Variants in EYS observed in about 807,000 individuals in gnomAD.
The protein encoded by EYS is protein eyes shut homolog.
A neutral mutation model predicts 282.1 loss-of-function variants in EYS; 250 were observed. The observed-to-expected ratio is 0.89, with a 90% CI of 0.80 to 0.98. The LOEUF (loss-of-function observed/expected upper bound fraction) is 0.98, where lower values mean the gene tolerates loss of function less well. EYS is among the 50% of genes least tolerant of loss of function. The pLI is 0.00. For synonymous variants in EYS, 1,355 were observed against 1,282.9 expected (o/e 1.06, Z -1.20); for missense variants, 4,016 against 3,709.0 (o/e 1.08, Z -2.15).
chr6:64,372,136 T>G (rs1232052618), intron 29 of EYS, among the ~76,000 whole-genome samples: 2 of 22,290 alleles, frequency 9.0e-5, no homozygotes, highest in African/African-American at 2.1e-4. Context: ...TTGTGTTTTT[T>G]TTTTTTTTTT....
intron 22 of EYS, among the ~76,000 whole-genome samples, chr6:64,643,942 C>T (rs1768262771): frequency 6.6e-6 from 1 of 152,128 alleles, no homozygotes; most frequent in African/African-American, 2.4e-5. Context: ...AGTGGACTAA[C>T]ACATTCTGTA....
intron 24 of EYS, among the ~76,000 whole-genome samples, chr6:64,598,710 T>C (rs1766665890): frequency 6.6e-6 from 1 of 152,196 alleles, no homozygotes; most frequent in Non-Finnish European, 1.5e-5. Context: ...CAGTAACTGT[T>C]GTAATTGTTG....
At position 63,720,900 on chromosome 6, in the gene EYS, C is replaced by A. The variant is rs772549804; in HGVS notation, c.9131G>T (p.Trp3044Leu). Reference sequence around the variant, plus strand: ...ATTTTGAATTACAACTACATGGTGCCATTTATTACAACAGAATGTGCCATT... The same window carrying A: ...ATTTTGAATTACAACTACATGGTGCAATTTATTACAACAGAATGTGCCATT... Reference protein sequence around the residue: ...YNNGTFCCNKWHHVVVIQNQT... With the variant: ...YNNGTFCCNKLHHVVVIQNQT... The change falls in exon 43 of 43, where the codon TGG becomes TTG. Residue 3044 changes from tryptophan (W) to leucine (L), a missense_variant. Physicochemically the swap from Trp to Leu is moderately conservative, Grantham distance 61. Transcript: ENST00000503581. 50 of 1,550,834 alleles carry A rather than the reference C, an allele frequency of 3.2e-5. No homozygotes were observed. The highest frequency in any genetic ancestry group is 4.3e-5 in the Non-Finnish European group (49 of 1,146,410).
intron 22 of EYS, among the ~76,000 whole-genome samples, chr6:64,654,380 G>C (rs992209190): frequency 7.2e-5 from 11 of 152,146 alleles, no homozygotes; most frequent in African/African-American, 2.7e-4. Context: ...ACATGCTACT[G>C]TTGTCTAGAG....
intron 19 of EYS, among the ~76,000 whole-genome samples, chr6:64,835,957 C>A (rs925618816): frequency 1.3e-5 from 2 of 151,592 alleles, no homozygotes; most frequent in Non-Finnish European, 3.0e-5. Context: ...ATCTCTACTT[C>A]TTTTGGGCTA....
At chr6:63,941,514 C>T (rs1489610487) in intron 35 of EYS, among the ~76,000 whole-genome samples, 1 of 152,080 alleles carries the variant, frequency 6.6e-6, no homozygotes, top group African/African-American at 2.4e-5. Context: ...ATCCTTCGTC[C>T]ACTTTTTGAT....
chr6:63,720,631 C>T lies in EYS; in HGVS notation c.9400G>A (p.Val3134Ile). 1 of 1,518,296 alleles carries T rather than the reference C, an allele frequency of 6.6e-7. No individual in the cohort carries two copies. Among genetic ancestry groups the T allele is most frequent in the South Asian group, 1.3e-5 (1 of 77,014 alleles). The allele number at this position is 1,518,296 out of a possible 1,614,324, so 94.1% of individuals were successfully genotyped here. ...IELIKLEGYN[V>I]YDGDEQNEVT ...TCATTTTGTTCATCTCCATCATAAA[C>T]ATTGTATCCTTCTAATTTAATTAGT... is the stretch of plus-strand genomic sequence containing the variant. Residue 3134 changes from valine (V) to isoleucine (I), a missense_variant, in exon 43 of 43, where the codon GTT becomes ATT. By Grantham distance (29) the Val-to-Ile change is conservative. Transcript: ENST00000503581.
rs182979225 is a variant in EYS, at chr6:64,030,492, C to T, written c.6726-31309G>A. Among the ~76,000 whole-genome samples, 6 of 152,344 alleles carry T rather than the reference C, an allele frequency of 3.9e-5. No homozygotes were observed. The South Asian group carries it at 6.2e-4, about 16-fold the overall frequency. ...AACTGCCGAGGACTAGACCTCCTCA[C>T]TGCTGAGAAAGAAGGACTCTGCACC... On this transcript the variant is annotated intron_variant, in intron 33 of 42. Coordinates refer to ENST00000503581, the MANE Select transcript of EYS (RefSeq NM_001142800.2).
chr6:64,965,525 T>C (rs1770064175), intron 14 of EYS, among the ~76,000 whole-genome samples: 1 of 152,068 alleles, frequency 6.6e-6, no homozygotes. Flanking sequence ...TTCAGACTTT[T>C]CATTCTTCAT....
chr6:65,469,208 A>G (rs575656865), intron 5 of EYS, among the ~76,000 whole-genome samples: 1 of 152,140 alleles, frequency 6.6e-6, no homozygotes, highest in Middle Eastern at 3.6e-3. Context: ...AATTCTAGCG[A>G]CCTTATATAA....
intron 26 of EYS, among the ~76,000 whole-genome samples, chr6:64,471,279 G>T (rs1001828652): frequency 6.6e-6 from 1 of 152,230 alleles, no homozygotes; most frequent in African/African-American, 2.4e-5. Flanking sequence ...AAGCCATCAA[G>T]ATTAGAAAAG....
intron 26 of EYS, among the ~76,000 whole-genome samples, chr6:64,564,914 A>G (rs771281156): frequency 6.6e-6 from 1 of 152,144 alleles, no homozygotes; most frequent in East Asian, 1.9e-4. Flanking sequence ...GTTTTGATGT[A>G]TACTACCTGA....
intron 5 of EYS, among the ~76,000 whole-genome samples, chr6:65,442,809 T>A (rs1768394142): frequency 7.8e-6 from 1 of 127,602 alleles, no homozygotes; most frequent in African/African-American, 2.5e-5. Context: ...CACACACACA[T>A]GCATATGTGT....
rs1767635091 is a variant in EYS at position 64,627,120 on chromosome 6, A to G, written c.3444-875T>C. 3.9e-5 allele frequency among the ~76,000 whole-genome samples: 6 copies of G among 152,352 alleles called. No homozygotes were observed. The South Asian group carries it at 8.3e-4, about 21-fold the overall frequency. ...TGATTAAAGTGCAATGTCCATAGCTATAGATACAGATTTGTCGAGTGCCTA... is the reference window on the plus strand; with the variant it reads ...TGATTAAAGTGCAATGTCCATAGCTGTAGATACAGATTTGTCGAGTGCCTA... On this transcript the variant is annotated intron_variant, in intron 22 of 42. Coordinates refer to ENST00000503581, the MANE Select transcript of EYS (RefSeq NM_001142800.2).
chr6:65,120,800 T>C (rs1473415101), intron 12 of EYS, among the ~76,000 whole-genome samples: 1 of 152,192 alleles, frequency 6.6e-6, no homozygotes, highest in Non-Finnish European at 1.5e-5. Context: ...CCCAATGATA[T>C]AAACATCTAT....
At chr6:64,564,586 T>TA (rs1765504280) in intron 26 of EYS, among the ~76,000 whole-genome samples, 1 of 152,024 alleles carries the variant, frequency 6.6e-6, no homozygotes, top group East Asian at 1.9e-4. Context: ...CAGCCTTTTT[T>TA]AAATCATACT....
intron 26 of EYS, among the ~76,000 whole-genome samples, chr6:64,463,175 T>C (rs748389884): frequency 6.6e-6 from 1 of 152,016 alleles, no homozygotes. Flanking sequence ...ATGGTCTCGA[T>C]CTCCTGACCT....
chr6:65,093,528 G>T (rs1480702042), intron 12 of EYS, among the ~76,000 whole-genome samples: 2 of 151,862 alleles, frequency 1.3e-5, no homozygotes, highest in Non-Finnish European at 2.9e-5. Context: ...GGAGGTAAAA[G>T]TGTAGAAATT....
Position 63,788,982 on chromosome 6 carries a change from C to T in EYS, c.7578+76G>A, listed in dbSNP as rs191698430. The T allele has an allele frequency of 7.6e-4, 1,100 of 1,444,900 alleles. 2 individuals carry two copies. Among genetic ancestry groups the T allele is most frequent in the South Asian group, 3.0e-3 (220 of 73,300 alleles). The allele number at this position is 1,444,900 out of a possible 1,614,324, so 89.5% of individuals were successfully genotyped here. ...GATGTAGGCATCATGGGCTATTCAC[C>T]TCTGTATCTTAGCACAGATCTGACA... On this transcript the variant is annotated intron_variant, in intron 38 of 42. Transcript: ENST00000503581.
Sources: allele counts gnomAD v4.1 joint callset (sites outside exome capture counted in the v4.1 genomes callset), GRCh38; gene constraint gnomAD v4.1.1; transcripts MANE v1.5; gene names NCBI Gene and HGNC (gene_info 2026-07-23, HGNC 2026-07-21).